The following DOT1L variants were observed in gnomAD, a reference collection of about 807,000 sequenced individuals.
DOT1L encodes the protein histone-lysine N-methyltransferase, H3 lysine-79 specific.
DOT1L carries 33 observed loss-of-function variants against 153.3 expected under a neutral mutation model. The observed-to-expected ratio is 0.22, with a 90% confidence interval of 0.16 to 0.29. DOT1L has a LOEUF of 0.29. Ranked by LOEUF, DOT1L falls within the 10% of genes least tolerant of loss-of-function variation. The pLI is 1.00. For missense variants in DOT1L, 1,847 were observed against 2,119.9 expected, an observed-to-expected ratio of 0.87 and a Z score of 2.53; for synonymous variants, 1,135 against 965.1, an observed-to-expected ratio of 1.18 and a Z score of -3.26.
rs1232582553 is a variant in DOT1L, at chr19:2,231,904, C to T, written c.*2112C>T. 1 of 219,142 alleles carries T rather than the reference C, an allele frequency of 4.6e-6. No individual in the cohort carries two copies. The highest frequency in any genetic ancestry group is 9.2e-6 in the Non-Finnish European group (1 of 109,178). 13.6% of individuals were successfully genotyped at this position (219,142 alleles called of 1,614,324 possible). ...GGACACGCACTGGGTCTCAGAGCCA[C>T]TGGCCCAGGCAGAAGTCTCCTTGAG... On this transcript the variant is annotated 3_prime_UTR_variant, in exon 28 of 28. Transcript: ENST00000398665.
At chr19:2,165,591 G>A (rs1454740752) in intron 1 of DOT1L, among the ~76,000 whole-genome samples, 1 of 152,212 alleles carries the variant, frequency 6.6e-6, no homozygotes, top group African/African-American at 2.4e-5. Context: ...CGCCCCGACC[G>A]GTTTCCTCCC....
chr19:2,213,574 G>T lies in DOT1L; in HGVS notation c.1593G>T (p.Gln531His), dbSNP rs757573872. 1.2e-6 allele frequency: 2 copies of T among 1,613,444 alleles called. No homozygotes were observed. The highest frequency in any genetic ancestry group is 2.2e-5 in the South Asian group (2 of 91,068). ...KNAQLLGAAQQLLSHCQAQKE... is the reference protein window; with the variant it reads ...KNAQLLGAAQHLLSHCQAQKE... ...CCCAGCTCCTGGGTGCGGCTCAGCA[G>T]CTCCTCAGCCACTGCCAGGCCCAGA... Residue 531 changes from glutamine to histidine, a missense_variant, in exon 17 of 28, where the codon CAG becomes CAT. By Grantham distance (24) the Gln-to-His change is conservative. Coordinates refer to ENST00000398665, the MANE Select transcript of DOT1L (RefSeq NM_032482.3).
In DOT1L at chr19:2,192,634, C is replaced by T. The variant is rs11879867; in HGVS notation, c.494-1055C>T. Among the ~76,000 whole-genome samples the T allele has an allele frequency of 3.8e-3, 556 of 144,528 alleles. 5 individuals carry two copies. Among genetic ancestry groups the T allele is most frequent in the African/African-American group, 0.013 (517 of 38,648 alleles). 94.8% of individuals were successfully genotyped at this position (144,528 alleles called of 152,430 possible). ...GTTGTGGTGAGACGAGATCGCATCA[C>T]GGCACTCCGGCCTGGGTGACAGAGT... On this transcript the variant is annotated intron_variant, in intron 5 of 27. Transcript: ENST00000398665.
In DOT1L at chr19:2,226,841, C is replaced by CGGCCCCGGCCT; in HGVS notation, c.4330_4340dup (p.Ala1448TrpfsTer74). On this transcript the variant is annotated frameshift_variant, in exon 27 of 28. Coordinates refer to ENST00000398665, the MANE Select transcript of DOT1L (RefSeq NM_032482.3). LOFTEE classifies it high-confidence loss of function. ...CCGTGCCTCCCGGAAGCCTCCTCAGCGGCCCCGGCCTGGCCCCGGCGGCGT... is the reference window on the plus strand; with the variant it reads ...CCGTGCCTCCCGGAAGCCTCCTCAGCGGCCCCGGCCTGGCCCCGGCCTGGCCCCGGCGGCGT... 1.9e-6 allele frequency: 3 copies of CGGCCCCGGCCT among 1,578,232 alleles called. No homozygotes were observed. The highest frequency in any genetic ancestry group is 1.7e-6 in the Non-Finnish European group (2 of 1,170,934).
intron 2 of DOT1L, among the ~76,000 whole-genome samples, chr19:2,181,452 C>T (rs181665201): frequency 4.1e-4 from 62 of 152,314 alleles, no homozygotes; most frequent in Admixed American, 7.2e-4. Context: ...ATGCTGAGCT[C>T]CTCTTGGCCG....
chr19:2,177,209 G>A (rs796538600), intron 1 of DOT1L, among the ~76,000 whole-genome samples: 88 of 152,344 alleles, frequency 5.8e-4, no homozygotes, highest in African/African-American at 1.8e-3. Flanking sequence ...TGTGGCTGGC[G>A]GGAAGGAGCT....
At chr19:2,209,116 T>C in intron 12 of DOT1L, 140 bp downstream of exon 12, 1 of 868,906 alleles carries the variant, frequency 1.2e-6, no homozygotes, top group Non-Finnish European at 1.7e-6. Context: ...CCTGTGCCCT[T>C]TCCCGCCTCC....
chr19:2,196,322 G>A (rs1245374124), intron 7 of DOT1L, among the ~76,000 whole-genome samples: 1 of 152,226 alleles, frequency 6.6e-6, no homozygotes, highest in Non-Finnish European at 1.5e-5. Flanking sequence ...GAGCCCAGGA[G>A]TTCGGACACA....
At position 2,204,392 on chromosome 19, in the gene DOT1L, ACTTAT is replaced by A. The variant is rs1248132055; in HGVS notation, c.787+1618_787+1622del. Among the ~76,000 whole-genome samples the A allele has an allele frequency of 6.6e-6, 1 of 151,322 alleles. No individual in the cohort carries two copies. Among genetic ancestry groups the A allele is most frequent in the African/African-American group, 2.4e-5 (1 of 41,096 alleles). ...TGTGCGTGTGGCAGTGGTGTTTCTG[ACTTAT>A]CTTAGAACCACGTGAGGACACCATG... On this transcript the variant is annotated intron_variant, in intron 9 of 27. Coordinates refer to ENST00000398665, the MANE Select transcript of DOT1L (RefSeq NM_032482.3). The surrounding 1 kb of genome is among the most constrained non-coding windows in gnomAD (Gnocchi z 5.7).
At chr19:2,218,278 C>T (rs2023977735) in intron 22 of DOT1L, among the ~76,000 whole-genome samples, 1 of 152,236 alleles carries the variant, frequency 6.6e-6, no homozygotes, top group Non-Finnish European at 1.5e-5. Context: ...CAGCGCTGTG[C>T]ATGCAGAGAA....
intron 7 of DOT1L, among the ~76,000 whole-genome samples, chr19:2,196,951 GTGCTGTGGTTTCTGTTCCTCACCCCGT>G: frequency 6.6e-6 from 1 of 151,990 alleles, no homozygotes; most frequent in South Asian, 2.2e-4. Context: ...TGTCAGCGCG[GTGCTGTGGTTTCTGTTCCTCACCCCGT>G]TGCTGTGATG....
chr19:2,209,288 T>C (rs1327060388), intron 12 of DOT1L, among the ~76,000 whole-genome samples: 1 of 152,112 alleles, frequency 6.6e-6, no homozygotes, highest in East Asian at 1.9e-4. Context: ...ACCCTCTCTC[T>C]GTCTCTTTGC....
At chr19:2,188,027 C>T (rs936536170) in intron 3 of DOT1L, among the ~76,000 whole-genome samples, 15 of 152,148 alleles carry the variant, frequency 9.9e-5, no homozygotes, top group African/African-American at 3.1e-4. Context: ...TGGGTTCCTC[C>T]GGCCCGCATG....
intron 10 of DOT1L, among the ~76,000 whole-genome samples, 172 bp downstream of exon 10, chr19:2,206,969 C>T (rs2023521808): frequency 6.6e-6 from 1 of 152,178 alleles, no homozygotes; most frequent in Non-Finnish European, 1.5e-5. Flanking sequence ...GGTGTCCACC[C>T]ACTCCATGCC....
At chr19:2,173,936 C>T (rs1337139227) in intron 1 of DOT1L, among the ~76,000 whole-genome samples, 4 of 152,168 alleles carry the variant, frequency 2.6e-5, no homozygotes, top group African/African-American at 9.7e-5. Flanking sequence ...CAGGGAACTC[C>T]TTTGGTTGTT....
At position 2,191,705 on chromosome 19, in the gene DOT1L, C is replaced by T. The variant is rs564871941; in HGVS notation, c.493+465C>T. On this transcript the variant is annotated intron_variant, in intron 5 of 27. Coordinates refer to ENST00000398665, the MANE Select transcript of DOT1L (RefSeq NM_032482.3). The surrounding 1 kb of genome is among the most constrained non-coding windows in gnomAD (Gnocchi z 6.8). Reference sequence around the variant, plus strand: ...GAGGAAGACCCCAGGTCCCTGGGCTCCCGGAGGCCCTCGCGCCCTCCCTGC... The same window carrying T: ...GAGGAAGACCCCAGGTCCCTGGGCTTCCGGAGGCCCTCGCGCCCTCCCTGC... 5.3e-5 allele frequency among the ~76,000 whole-genome samples: 8 copies of T among 152,284 alleles called. No homozygotes were observed. Among genetic ancestry groups the T allele is most frequent in the Admixed American group, 1.3e-4 (2 of 15,302 alleles).
In DOT1L at chr19:2,231,567, C is replaced by T. The variant is rs550541117; in HGVS notation, c.*1775C>T. ...CTGAAGATGGTGCTCCGGACCTGTCCTCTTAAGTGGTGCCCAGTGCCCTCC... is the reference window on the plus strand; with the variant it reads ...CTGAAGATGGTGCTCCGGACCTGTCTTCTTAAGTGGTGCCCAGTGCCCTCC... On this transcript the variant is annotated 3_prime_UTR_variant, in exon 28 of 28. Transcript: ENST00000398665. 2.5e-5 allele frequency: 5 copies of T among 203,460 alleles called. No homozygotes were observed. Among genetic ancestry groups the T allele is most frequent in the South Asian group, 1.9e-4 (1 of 5,248 alleles). 12.6% of individuals were successfully genotyped at this position (203,460 alleles called of 1,614,324 possible). A position where few individuals can be genotyped will look rare whatever the true frequency, so the allele number is the denominator to read the frequency against.
chr19:2,210,842 C>T lies in DOT1L; in HGVS notation c.1338C>T (p.Ala446=), dbSNP rs1432083094. The change falls in exon 14 of 28, where the codon GCC becomes GCT. Residue 446 remains alanine, a synonymous_variant. Coordinates refer to ENST00000398665, the MANE Select transcript of DOT1L (RefSeq NM_032482.3). ...CTCAGACCGTGTCTCAGACGGCGGC[C>T]TCCTCACCCCAGGGTGAGCCGCCCC... ...LHAQTVSQTA[A]SSPQDAYRSP... The T allele has an allele frequency of 2.5e-6, 4 of 1,612,410 alleles. 1 individual carries two copies. The highest frequency in any genetic ancestry group is 3.3e-4 in the Middle Eastern group (2 of 6,060).
In DOT1L at chr19:2,230,298, G is replaced by A. The variant is rs1224777801; in HGVS notation, c.*506G>A. ...CTGCTCCCGTACCAAAGGCAGGCCCGTCGCCACCACATTCCTCGGAGGCCT... is the reference window on the plus strand; with the variant it reads ...CTGCTCCCGTACCAAAGGCAGGCCCATCGCCACCACATTCCTCGGAGGCCT... On this transcript the variant is annotated 3_prime_UTR_variant, in exon 28 of 28. Coordinates refer to ENST00000398665, the MANE Select transcript of DOT1L (RefSeq NM_032482.3). The A allele has an allele frequency of 4.8e-6, 2 of 416,586 alleles. No homozygotes were observed. The highest frequency in any genetic ancestry group is 8.4e-6 in the Non-Finnish European group (2 of 237,310). 25.8% of individuals were successfully genotyped at this position (416,586 alleles called of 1,614,324 possible). A position where few individuals can be genotyped will look rare whatever the true frequency, so the allele number is the denominator to read the frequency against.
Sources: gnomAD v4.1 joint callset for allele counts (sites outside exome capture counted in the v4.1 genomes callset) on GRCh38, gnomAD v4.1.1 for gene constraint, Gnocchi (gnomAD v3.1) non-coding constraint, MANE v1.5 for transcripts, NCBI Gene and HGNC (gene_info 2026-07-23, HGNC 2026-07-21) for gene names.